The following SVEP1 variants were observed in gnomAD, a reference collection of about 807,000 sequenced individuals.
SVEP1 encodes the protein sushi, von Willebrand factor type A, EGF and pentraxin domain-containing protein 1.
SVEP1 carries 164 observed loss-of-function variants against 367.3 expected under a neutral mutation model. The observed-to-expected ratio is 0.45, with a 90% CI of 0.39 to 0.51. The LOEUF is 0.51. SVEP1 is among the 20% of genes least tolerant of loss of function. SVEP1 has a pLI of 0.00. For missense variants in SVEP1, 4,117 were observed against 4,425.3 expected (o/e 0.93, Z 1.98); for synonymous variants, 1,666 against 1,611.6 (o/e 1.03, Z -0.81).
chr9:110,506,323 A>G (rs1029581925), intron 5 of SVEP1, among the ~76,000 whole-genome samples: 3 of 152,236 alleles, frequency 2.0e-5, no homozygotes, highest in African/African-American at 7.2e-5. Context: ...CCTCATGACT[A>G]AAACACCAAA....
intron 3 of SVEP1, among the ~76,000 whole-genome samples, chr9:110,534,023 C>T (rs1215707601): frequency 6.6e-6 from 1 of 152,068 alleles, no homozygotes; most frequent in Non-Finnish European, 1.5e-5. Context: ...AAGTCCACCA[C>T]TTTTTTAAAC....
At chr9:110,517,715 C>G (rs1267924555) in intron 3 of SVEP1, among the ~76,000 whole-genome samples, 2 of 140,890 alleles carry the variant, frequency 1.4e-5, no homozygotes, top group Non-Finnish European at 3.0e-5. Flanking sequence ...TGCAATCCAG[C>G]CTGGGGCCTG....
chr9:110,538,395 G>A (rs1437159329), intron 3 of SVEP1, among the ~76,000 whole-genome samples: 1 of 152,016 alleles, frequency 6.6e-6, no homozygotes, highest in African/African-American at 2.4e-5. Flanking sequence ...AATCAGCCAA[G>A]CTCTGCTTAC....
Position 110,407,312 on chromosome 9 carries a change from C to T in SVEP1, c.8288G>A (p.Trp2763Ter). ...DLRLCLENRKWSGASPRCEAI... is the reference protein window; with the variant it reads ...DLRLCLENRK ...TTCACAGCGTGGGGAGGCACCACTCCACTTTCTATTCTCTAGACAAAGCCT... is the reference window on the plus strand; with the variant it reads ...TTCACAGCGTGGGGAGGCACCACTCTACTTTCTATTCTCTAGACAAAGCCT... Residue 2763 changes from tryptophan to a stop codon, truncating the protein, a stop_gained, in exon 38 of 48, where the codon TGG (tryptophan) becomes TAG (stop). Transcript: ENST00000374469. LOFTEE classifies it high-confidence loss of function. 2 of 1,613,990 alleles carry T rather than the reference C, an allele frequency of 1.2e-6. No individual in the cohort carries two copies. Among genetic ancestry groups the T allele is most frequent in the Non-Finnish European group, 1.7e-6 (2 of 1,179,890 alleles).
intron 14 of SVEP1, among the ~76,000 whole-genome samples, chr9:110,474,186 GA>G (rs1312174867): frequency 1.3e-5 from 2 of 152,104 alleles, no homozygotes; most frequent in Admixed American, 1.3e-4. Flanking sequence ...TTTTAGTAGA[GA>G]TGGGGTTTTA....
chr9:110,455,734 T>A, intron 21 of SVEP1, 31 bp from the exon 22 acceptor site: 1 of 1,560,902 alleles, frequency 6.4e-7, no homozygotes, highest in Non-Finnish European at 8.7e-7. Context: ...TGAGGGACAA[T>A]CCAAGGATGG....
At chr9:110,395,384 C>A (rs62571899) in intron 40 of SVEP1, among the ~76,000 whole-genome samples, 1 of 150,768 alleles carries the variant, frequency 6.6e-6, no homozygotes, top group East Asian at 1.9e-4. Flanking sequence ...ACCAGTACCA[C>A]CCACTGCAAA....
intron 28 of SVEP1, among the ~76,000 whole-genome samples, 176 bp from the exon 29 acceptor site, chr9:110,435,540 C>T (rs893991467): frequency 6.6e-6 from 1 of 152,188 alleles, no homozygotes; most frequent in East Asian, 1.9e-4. Flanking sequence ...TCTCTCCCAG[C>T]TCTATCATTC....
intron 36 of SVEP1, among the ~76,000 whole-genome samples, chr9:110,423,168 T>TAAAAAAAAAAAAAAAAAAAAAAAAAGA: frequency 4.8e-5 from 5 of 103,648 alleles, no homozygotes; most frequent in South Asian, 3.0e-4. Flanking sequence ...AAAAATAAAG[T>TAAAAAAAAAAAAAAAAAAAAAAAAAGA]AAAAAAAAAA....
intron 1 of SVEP1, among the ~76,000 whole-genome samples, chr9:110,578,710 C>T (rs184879599): frequency 6.6e-6 from 1 of 152,192 alleles, no homozygotes; most frequent in African/African-American, 2.4e-5. Context: ...AGCTTGGATA[C>T]CGTCTGCTCC....
At chr9:110,575,963 G>A (rs1188328545) in intron 1 of SVEP1, among the ~76,000 whole-genome samples, 1 of 152,102 alleles carries the variant, frequency 6.6e-6, no homozygotes, top group African/African-American at 2.4e-5. Flanking sequence ...AGGGGGTGGG[G>A]GATGGAATCT....
chr9:110,413,424 G>C (rs1243400416), intron 36 of SVEP1, among the ~76,000 whole-genome samples: 1 of 148,446 alleles, frequency 6.7e-6, no homozygotes, highest in Non-Finnish European at 1.5e-5. Flanking sequence ...ATAGCTTTGG[G>C]AGATATACCT....
chr9:110,431,984 G>A lies in SVEP1; in HGVS notation c.5284C>T (p.Leu1762=), dbSNP rs1315617879. The A allele has an allele frequency of 6.2e-7, 1 of 1,613,498 alleles. No individual in the cohort carries two copies. The highest frequency in any genetic ancestry group is 2.2e-5 in the East Asian group (1 of 44,850). Residue 1762 remains leucine (L), a synonymous_variant, in exon 32 of 48, where the codon CTG becomes TTG. Transcript: ENST00000374469. ...GSDCSEHASC[L]NVDGSYICSC... is the part of the protein sequence containing the mutation. ...CATATGTAGGATCCATCTACGTTCAGGCAAGAAGCATGCTCACTACAATCT... is the reference window on the plus strand; with the variant it reads ...CATATGTAGGATCCATCTACGTTCAAGCAAGAAGCATGCTCACTACAATCT...
chr9:110,517,748 T>G, intron 3 of SVEP1, among the ~76,000 whole-genome samples: 1 of 97,302 alleles, frequency 1.0e-5, no homozygotes, highest in South Asian at 3.6e-4. Context: ...AGAACCTGGC[T>G]CTTAAAAAAA....
chr9:110,460,172 T>C (rs1348158112), intron 18 of SVEP1, among the ~76,000 whole-genome samples: 2 of 152,204 alleles, frequency 1.3e-5, no homozygotes, highest in Non-Finnish European at 2.9e-5. Flanking sequence ...TTTGACACAA[T>C]TATTTTTCAG....
intron 13 of SVEP1, among the ~76,000 whole-genome samples, chr9:110,478,472 G>A (rs1275646630): frequency 1.3e-5 from 2 of 152,052 alleles, no homozygotes; most frequent in East Asian, 3.9e-4. Flanking sequence ...CCTTTAACCT[G>A]CTACAATTTA....
chr9:110,505,380 G>T (rs898393432), intron 5 of SVEP1, among the ~76,000 whole-genome samples: 2 of 152,018 alleles, frequency 1.3e-5, no homozygotes, highest in Non-Finnish European at 2.9e-5. Context: ...CATCCACCAG[G>T]GTTATCCACA....
chr9:110,503,675 A>T (rs1829576023), intron 5 of SVEP1, among the ~76,000 whole-genome samples: 1 of 152,200 alleles, frequency 6.6e-6, no homozygotes, highest in Admixed American at 6.5e-5. Flanking sequence ...GCCTTCTAAT[A>T]GTGTTAGCCT....
intron 38 of SVEP1, among the ~76,000 whole-genome samples, chr9:110,405,072 G>C (rs1827935016): frequency 6.6e-6 from 1 of 152,018 alleles, no homozygotes; most frequent in Admixed American, 6.6e-5. Flanking sequence ...TCAGTTCTCA[G>C]TTATCCACAT....
Sources: gnomAD v4.1 joint callset for allele counts (sites outside exome capture counted in the v4.1 genomes callset) on GRCh38, gnomAD v4.1.1 for gene constraint, MANE v1.5 for transcripts, NCBI Gene and HGNC (gene_info 2026-07-23, HGNC 2026-07-21) for gene names.